Variants in APOL1 observed in about 807,000 individuals in gnomAD.
APOL1 encodes apolipoprotein L 1.
APOL1 carries 17 observed loss-of-function variants against 14.9 expected under a neutral mutation model. That is an observed-to-expected ratio of 1.14 (90% CI 0.78 to 1.71). The LOEUF is 1.71. Among genes scored for constraint, APOL1 ranks in the 40% most tolerant of loss-of-function variants. The pLI, the probability that APOL1 is intolerant of heterozygous loss-of-function variation, is 0.00. For synonymous variants in APOL1, 195 were observed against 184.8 expected (o/e 1.05, Z -0.45); for missense variants, 523 against 485.9 (o/e 1.08, Z -0.72).
intron 2 of APOL1, 103 bp from the exon 3 acceptor site, chr22:36,256,980 G>T: frequency 7.6e-7 from 1 of 1,311,918 alleles, no homozygotes; most frequent in South Asian, 1.4e-5. Context: ...GTCATTGTCA[G>T]AACCTTCCTC....
At position 36,266,904 on chromosome 22, in the gene APOL1, C is replaced by CAAAAAAAAA. The variant is rs11321251; in HGVS notation, c.*880_*888dup. ...TGGGTGACAGAGCGAGACTCCATCTCAAAAAAAAAAAAAAAAAGAATATAT... is the reference window on the plus strand; with the variant it reads ...TGGGTGACAGAGCGAGACTCCATCTCAAAAAAAAAAAAAAAAAAAAAAAAAAGAATATAT... On this transcript the variant is annotated 3_prime_UTR_variant, in exon 6 of 6. Coordinates refer to ENST00000397278, the MANE Select transcript of APOL1 (RefSeq NM_003661.4). The CAAAAAAAAA allele has an allele frequency of 1.2e-5, 1 of 83,242 alleles. No homozygotes were observed. The allele number at this position is 83,242 out of a possible 1,614,324, so 5.2% of individuals were successfully genotyped here. A position where few individuals can be genotyped will look rare whatever the true frequency, so the allele number is the denominator to read the frequency against.
intron 1 of APOL1, among the ~76,000 whole-genome samples, chr22:36,254,644 C>G (rs545945683): frequency 4.1e-4 from 62 of 152,124 alleles, no homozygotes; most frequent in African/African-American, 1.4e-3. Flanking sequence ...CAGGTGGTCA[C>G]GAGGTCAGGA....
At position 36,264,469 on chromosome 22, in the gene APOL1, G is replaced by T. The variant is rs536346961; in HGVS notation, c.315-682G>T. On this transcript the variant is annotated intron_variant, in intron 5 of 5. Coordinates refer to ENST00000397278, the MANE Select transcript of APOL1 (RefSeq NM_003661.4). ...ATGCTTCACTTTCCTGCCATCCTGG[G>T]AATAAGGTCTCTTTGTCTCACTCTC... Among the ~76,000 whole-genome samples the T allele has an allele frequency of 2.0e-4, 30 of 152,268 alleles. No individual in the cohort carries two copies. The South Asian group carries it at 2.5e-3, about 13-fold the overall frequency.
chr22:36,255,499 G>A (rs35348520), intron 2 of APOL1, among the ~76,000 whole-genome samples: 14,888 of 144,630 alleles, frequency 0.1, 449 homozygotes, highest in Middle Eastern at 0.13. Context: ...ACGCCCCTCT[G>A]CATACTCCCC....
intron 4 of APOL1, among the ~76,000 whole-genome samples, chr22:36,258,861 A>ATGAT (rs2015982700): frequency 6.6e-6 from 1 of 152,096 alleles, no homozygotes; most frequent in African/African-American, 2.4e-5. Flanking sequence ...CAAGGAGGGT[A>ATGAT]TGATTGAGTG....
At chr22:36,257,873 T>TCTG (rs1230333954) in intron 4 of APOL1, among the ~76,000 whole-genome samples, 2 of 152,130 alleles carry the variant, frequency 1.3e-5, no homozygotes, top group African/African-American at 4.8e-5. Flanking sequence ...GCCCCTTTGC[T>TCTG]CTGAGTGGCC....
At chr22:36,259,117 A>T (rs1195046840) in intron 4 of APOL1, among the ~76,000 whole-genome samples, 1 of 152,068 alleles carries the variant, frequency 6.6e-6, no homozygotes, top group African/African-American at 2.4e-5. Context: ...TTTTGTTTGT[A>T]TCTAACAGAA....
intron 4 of APOL1, among the ~76,000 whole-genome samples, chr22:36,259,014 C>T (rs2015991667): frequency 6.6e-6 from 1 of 152,194 alleles, no homozygotes; most frequent in Admixed American, 6.5e-5. Flanking sequence ...CCTTCTGTGT[C>T]TGTCATGTGA....
Position 36,255,006 on chromosome 22 carries a change from T to G in APOL1, c.44+7T>G, listed in dbSNP as rs2015816733. On this transcript the variant is annotated splice_region_variant and intron_variant, in intron 2 of 5. Transcript: ENST00000397278. ...TCTCTGTCCTCTGCATCTGGTGAGCTTGGCTCAGAGCCCTGAGGCGGGAGG... is the reference window on the plus strand; with the variant it reads ...TCTCTGTCCTCTGCATCTGGTGAGCGTGGCTCAGAGCCCTGAGGCGGGAGG... 1 of 1,612,946 alleles carries G rather than the reference T, an allele frequency of 6.2e-7. No homozygotes were observed. The highest frequency in any genetic ancestry group is 8.5e-7 in the Non-Finnish European group (1 of 1,179,038).
rs528116362 is a variant in APOL1, at chr22:36,259,726, G to A, written c.188-1870G>A. On this transcript the variant is annotated intron_variant, in intron 4 of 5. Coordinates refer to ENST00000397278, the MANE Select transcript of APOL1 (RefSeq NM_003661.4). The stretch of plus-strand genomic sequence containing the variant: ...CCGTGTACCCTGAGACCAGCCTGCA[G>A]AGGACAGAGGCAACATGGAGGTGCC... 2.4e-5 allele frequency: 31 copies of A among 1,304,248 alleles called. No individual in the cohort carries two copies. The East Asian group carries it at 5.0e-4, about 21-fold the overall frequency. The allele number at this position is 1,304,248 out of a possible 1,614,324, so 80.8% of individuals were successfully genotyped here.
In APOL1 at chr22:36,261,702, GGCT is replaced by G; in HGVS notation, c.302_304del (p.Ala101del). On this transcript the variant is annotated inframe_deletion, in exon 5 of 6. Transcript: ENST00000397278. The stretch of plus-strand genomic sequence containing the variant: ...ATAATGAGGCCTGGAACGGATTCGT[GGCT>G]GCTGCTGAACTGCCCAGGTAAGCTC... 6.2e-7 allele frequency: 1 copy of G among 1,614,014 alleles called. No homozygotes were observed. Among genetic ancestry groups the G allele is most frequent in the Non-Finnish European group, 8.5e-7 (1 of 1,179,914 alleles).
intron 4 of APOL1, chr22:36,259,866 C>T (rs1418275853): frequency 7.7e-7 from 1 of 1,304,220 alleles, no homozygotes; most frequent in Admixed American, 2.3e-5. Flanking sequence ...GGTAGTTGTA[C>T]TCAATGCTGT....
chr22:36,257,501 TG>T, intron 4 of APOL1, 94 bp downstream of exon 4: 1 of 1,290,748 alleles, frequency 7.7e-7, no homozygotes, highest in Non-Finnish European at 1.1e-6. Flanking sequence ...AGAACCCGGA[TG>T]GACTAGGAGG....
intron 4 of APOL1, chr22:36,259,547 G>A: frequency 8.4e-7 from 1 of 1,196,924 alleles, no homozygotes; most frequent in Non-Finnish European, 1.1e-6. Flanking sequence ...GACGAGGGGA[G>A]GGCAGGGAAG....
chr22:36,253,692 G>C, intron 1 of APOL1: 1 of 535,648 alleles, frequency 1.9e-6, no homozygotes, highest in Admixed American at 3.1e-5. Context: ...CCCACCCTGA[G>C]TCTGAGCACC....
chr22:36,259,589 G>A, intron 4 of APOL1: 3 of 1,227,332 alleles, frequency 2.4e-6, no homozygotes, highest in African/African-American at 1.6e-5. Context: ...GCCGACCCCG[G>A]AATCCTTACG....
At position 36,265,883 on chromosome 22, in the gene APOL1, A is replaced by G. The variant is rs1295824944; in HGVS notation, c.1047A>G (p.Val349=). 1.9e-6 allele frequency: 3 copies of G among 1,614,188 alleles called. No homozygotes were observed. The highest frequency in any genetic ancestry group is 1.6e-4 in the Middle Eastern group (1 of 6,062). ...TAAGCTTCTTTCTTGTGCTGGATGTAGTCTACCTCGTGTACGAATCAAAGC... is the reference window on the plus strand; with the variant it reads ...TAAGCTTCTTTCTTGTGCTGGATGTGGTCTACCTCGTGTACGAATCAAAGC... ...APVSFFLVLD[V]VYLVYESKHL... Residue 349 remains valine (V), a synonymous_variant, in exon 6 of 6, where the codon GTA becomes GTG. Transcript: ENST00000397278.
rs129423 is a variant in APOL1, at chr22:36,261,283, T to C, written c.188-313T>C. Among the ~76,000 whole-genome samples the C allele has an allele frequency of 0.85, 129,803 of 152,228 alleles. 55,737 individuals are homozygous for C. Among genetic ancestry groups the C allele is most frequent in the African/African-American group, 0.95 (39,523 of 41,558 alleles). ...GCCTTTGCACTGTGTGCTCACACAG[T>C]CTTCTTGTGTCCCTTTCTGTTCTTA... On this transcript the variant is annotated intron_variant, in intron 4 of 5. Transcript: ENST00000397278.
chr22:36,255,951 C>T (rs915805014), intron 2 of APOL1, among the ~76,000 whole-genome samples: 2 of 152,102 alleles, frequency 1.3e-5, no homozygotes, highest in Non-Finnish European at 2.9e-5. Flanking sequence ...TTATGTCTTC[C>T]ATTAGCAACT....
Sources: allele counts gnomAD v4.1 joint callset (sites outside exome capture counted in the v4.1 genomes callset), GRCh38; gene constraint gnomAD v4.1.1; transcripts MANE v1.5; gene names NCBI Gene and HGNC (gene_info 2026-07-23, HGNC 2026-07-21).